The following UPK1B variants were observed in gnomAD, a reference collection of about 807,000 sequenced individuals.
UPK1B encodes the protein uroplakin-1b.
UPK1B carries 28 observed loss-of-function variants against 34.2 expected under a neutral mutation model. The observed-to-expected ratio is 0.82, with a 90% confidence interval of 0.61 to 1.12. The LOEUF (loss-of-function observed/expected upper bound fraction) is 1.12. Ranked by LOEUF, UPK1B falls within the 50% of genes most tolerant of loss-of-function variation. The pLI is 0.00. For synonymous variants in UPK1B, 81 were observed against 110.4 expected (o/e 0.73, Z 1.67); for missense variants, 325 against 320.9 (o/e 1.01, Z -0.10).
chr3:119,189,896 G>A (rs948675817), intron 3 of UPK1B, among the ~76,000 whole-genome samples: 3 of 152,230 alleles, frequency 2.0e-5, no homozygotes, highest in Non-Finnish European at 4.4e-5. Flanking sequence ...GCACATGCAT[G>A]TAAATGCACA....
Position 119,187,916 on chromosome 3 carries a change from T to C in UPK1B, c.211T>C (p.Cys71Arg). Residue 71 changes from cysteine to arginine, a missense_variant, in exon 3 of 8, where the codon TGC becomes CGC. Cys to Arg is a radical substitution (Grantham distance 180). Coordinates refer to ENST00000264234, the MANE Select transcript of UPK1B (RefSeq NM_006952.4). ...CATATTTGTGGGCATCTGCCTCTTC[T>C]GCCTGTCTGTTCTAGGCATTGTAGG... Reference protein sequence around the residue: ...IGIFVGICLFCLSVLGIVGIM... With the variant: ...IGIFVGICLFRLSVLGIVGIM... The C allele has an allele frequency of 2.5e-6, 4 of 1,614,176 alleles. No homozygotes were observed. Among genetic ancestry groups the C allele is most frequent in the Non-Finnish European group, 3.4e-6 (4 of 1,180,024 alleles).
intron 1 of UPK1B, among the ~76,000 whole-genome samples, chr3:119,184,445 C>G (rs71325366): frequency 6.6e-6 from 1 of 151,888 alleles, no homozygotes; most frequent in Non-Finnish European, 1.5e-5. Flanking sequence ...TGAGGCCAGG[C>G]GCAGTGGCTC....
At chr3:119,188,427 A>G (rs777837053) in intron 3 of UPK1B, among the ~76,000 whole-genome samples, 14 of 152,370 alleles carry the variant, frequency 9.2e-5, no homozygotes, top group Admixed American at 3.3e-4. Flanking sequence ...ACATTTTTAA[A>G]AGAAAGTATA....
rs79856598 is a variant in UPK1B, at chr3:119,188,416, T to C, written c.270+441T>C. Among the ~76,000 whole-genome samples, 674 of 152,376 alleles carry C rather than the reference T, an allele frequency of 4.4e-3. 2 individuals are homozygous for C. The highest frequency in any genetic ancestry group is 7.1e-3 in the Non-Finnish European group (485 of 68,038). On this transcript the variant is annotated intron_variant, in intron 3 of 7. Coordinates refer to ENST00000264234, the MANE Select transcript of UPK1B (RefSeq NM_006952.4). The stretch of plus-strand genomic sequence containing the variant: ...TAGGATATAAAATATAAAATATGCA[T>C]ACATTTTTAAAAGAAAGTATAAGCT...
intron 7 of UPK1B, among the ~76,000 whole-genome samples, chr3:119,201,829 A>G (rs1286198797): frequency 6.6e-6 from 1 of 152,144 alleles, no homozygotes; most frequent in Non-Finnish European, 1.5e-5. Flanking sequence ...GCTGAGAACT[A>G]GCTGTTCTTT....
intron 6 of UPK1B, among the ~76,000 whole-genome samples, chr3:119,195,113 G>A (rs888530110): frequency 1.3e-5 from 2 of 152,156 alleles, no homozygotes; most frequent in Non-Finnish European, 2.9e-5. Context: ...ATACCTTGCT[G>A]AGGTCACACA....
chr3:119,189,004 G>T (rs1253278558), intron 3 of UPK1B, among the ~76,000 whole-genome samples: 1 of 152,112 alleles, frequency 6.6e-6, no homozygotes, highest in African/African-American at 2.4e-5. Context: ...AAGGAATACA[G>T]GAAAAAGGGA....
At position 119,176,523 on chromosome 3, in the gene UPK1B, G is replaced by A. The variant is rs565647112; in HGVS notation, c.-29+2885G>A. Among the ~76,000 whole-genome samples the A allele has an allele frequency of 4.1e-4, 63 of 152,308 alleles. 1 individual carries two copies. In the South Asian group the frequency reaches 9.1e-3, roughly 22 times the overall value. On this transcript the variant is annotated intron_variant, in intron 1 of 7. Coordinates refer to ENST00000264234, the MANE Select transcript of UPK1B (RefSeq NM_006952.4). Reference sequence around the variant, plus strand: ...ACTCTTTAAAGCAAAGGAACTCCCAGGGTATTGAGCAATTTGAGTAAATCA... The same window carrying A: ...ACTCTTTAAAGCAAAGGAACTCCCAAGGTATTGAGCAATTTGAGTAAATCA...
At chr3:119,193,612 T>C (rs2078053056) in intron 5 of UPK1B, among the ~76,000 whole-genome samples, 1 of 152,160 alleles carries the variant, frequency 6.6e-6, no homozygotes, top group Non-Finnish European at 1.5e-5. Flanking sequence ...ATAAAAATAA[T>C]ACCTAATTAC....
intron 6 of UPK1B, among the ~76,000 whole-genome samples, chr3:119,198,008 T>G (rs2078074178): frequency 6.6e-6 from 1 of 151,882 alleles, no homozygotes; most frequent in South Asian, 2.1e-4. Context: ...ATAAAGGAGA[T>G]CAGTATGACA....
At chr3:119,189,933 CAT>C (rs554358307) in intron 3 of UPK1B, among the ~76,000 whole-genome samples, 172 of 152,368 alleles carry the variant, frequency 1.1e-3, no homozygotes, top group Admixed American at 5.0e-3. Flanking sequence ...TAAATGCTCA[CAT>C]GTGTGTGTGC....
rs1576874499 is a variant in UPK1B at position 119,204,192 on chromosome 3, G to C, written c.*225G>C. ...TTCTGCAACATTTATATAGACTGTTGAAAGGAGAATTTGAAAAATGCATAA... is the reference window on the plus strand; with the variant it reads ...TTCTGCAACATTTATATAGACTGTTCAAAGGAGAATTTGAAAAATGCATAA... On this transcript the variant is annotated 3_prime_UTR_variant, in exon 8 of 8. Coordinates refer to ENST00000264234, the MANE Select transcript of UPK1B (RefSeq NM_006952.4). 8 of 493,404 alleles carry C rather than the reference G, an allele frequency of 1.6e-5. No homozygotes were observed. In the East Asian group the frequency reaches 2.4e-4, roughly 15 times the overall value. The allele number at this position is 493,404 out of a possible 1,614,324, so 30.6% of individuals were successfully genotyped here.
chr3:119,201,217 T>C (rs908308929), intron 7 of UPK1B, among the ~76,000 whole-genome samples: 7 of 152,256 alleles, frequency 4.6e-5, no homozygotes, highest in Non-Finnish European at 1.0e-4. Flanking sequence ...CTCATTGTTA[T>C]TCAGATAGCC....
Position 119,191,003 on chromosome 3 carries a change from A to C in UPK1B, c.367A>C (p.Lys123Gln). The change falls in exon 5 of 8, where the codon AAG becomes CAG. Residue 123 changes from lysine to glutamine, a missense_variant. Physicochemically the swap from Lys to Gln is moderately conservative, Grantham distance 53. Coordinates refer to ENST00000264234, the MANE Select transcript of UPK1B (RefSeq NM_006952.4). ...QDFFTPNLFLKQMLERYQNNS... is the reference protein window; with the variant it reads ...QDFFTPNLFLQQMLERYQNNS... ...ATAGTTCACACCCAACCTCTTCCTGAAGCAGATGCTAGAGAGGTACCAAAA... is the reference window on the plus strand; with the variant it reads ...ATAGTTCACACCCAACCTCTTCCTGCAGCAGATGCTAGAGAGGTACCAAAA... 1 of 1,613,986 alleles carries C rather than the reference A, an allele frequency of 6.2e-7. No individual in the cohort carries two copies. The highest frequency in any genetic ancestry group is 2.2e-5 in the East Asian group (1 of 44,876).
intron 5 of UPK1B, among the ~76,000 whole-genome samples, chr3:119,191,897 G>A (rs552949166): frequency 1.1e-4 from 17 of 151,944 alleles, no homozygotes; most frequent in African/African-American, 3.4e-4. Flanking sequence ...ACCCTCAGTC[G>A]TTCTCCTGCC....
intron 1 of UPK1B, among the ~76,000 whole-genome samples, chr3:119,183,481 C>T (rs1350347489): frequency 1.3e-5 from 2 of 152,052 alleles, no homozygotes; most frequent in East Asian, 1.9e-4. Context: ...AGGCTGGTCT[C>T]GAACTCCTCA....
At position 119,197,734 on chromosome 3, in the gene UPK1B, T is replaced by C. The variant is rs565865763; in HGVS notation, c.649-1323T>C. Among the ~76,000 whole-genome samples the C allele has an allele frequency of 7.2e-5, 11 of 152,258 alleles. No individual in the cohort carries two copies. In the East Asian group the frequency reaches 1.7e-3, roughly 24 times the overall value. ...TAGCATGGGAGACAGAAAATAAACA[T>C]GTTACCAAACAAATACATGATAAAA... On this transcript the variant is annotated intron_variant, in intron 6 of 7. Transcript: ENST00000264234.
intron 1 of UPK1B, among the ~76,000 whole-genome samples, chr3:119,179,389 ATATATATAT>A (rs1311245152): frequency 1.2e-4 from 11 of 92,174 alleles, no homozygotes; most frequent in South Asian, 3.5e-4. Flanking sequence ...ATATATATAT[ATATATATAT>A]TAATTCTAAG....
At chr3:119,191,640 T>A (rs1287761166) in intron 5 of UPK1B, among the ~76,000 whole-genome samples, 1 of 152,192 alleles carries the variant, frequency 6.6e-6, no homozygotes, top group African/African-American at 2.4e-5. Flanking sequence ...TTACAGTCTG[T>A]CATCAGCAAA....
Sources: gnomAD v4.1 joint callset for allele counts (sites outside exome capture counted in the v4.1 genomes callset) on GRCh38, gnomAD v4.1.1 for gene constraint, MANE v1.5 for transcripts, NCBI Gene and HGNC (gene_info 2026-07-23, HGNC 2026-07-21) for gene names.